Variants in DMD observed in about 807,000 individuals in gnomAD.
The protein encoded by DMD is dystrophin.
A neutral mutation model predicts 330.1 loss-of-function variants in DMD; 63 were observed. The ratio of observed to expected loss-of-function variants is 0.19; its 90% CI spans 0.16 to 0.24. DMD has a LOEUF of 0.24. Ranked by LOEUF, DMD falls within the 10% of genes least tolerant of loss-of-function variation. The probability of loss-of-function intolerance (pLI) is 1.00; values close to 1 mark genes in which losing one functional copy is unlikely to be tolerated. For synonymous variants in DMD, 1,223 were observed against 959.8 expected (o/e 1.27, Z -5.07); for missense variants, 3,344 against 2,684.1 (o/e 1.25, Z -5.43).
chrX:32,621,691 A>T (rs149032471), intron 11 of DMD, among the ~76,000 whole-genome samples: 24 of 110,366 alleles, frequency 2.2e-4, no homozygotes, highest in Non-Finnish European at 4.2e-4. Flanking sequence ...TAGGGACCAG[A>T]ATGGCTGGGT....
intron 8 of DMD, among the ~76,000 whole-genome samples, chrX:32,698,373 G>A (rs1342466746): frequency 1.8e-5 from 2 of 111,497 alleles, no homozygotes; most frequent in East Asian, 5.7e-4. Context: ...CCATACCCTG[G>A]AAAGGACTAA....
intron 7 of DMD, among the ~76,000 whole-genome samples, chrX:32,783,734 G>A (rs770134794): frequency 6.3e-5 from 7 of 110,987 alleles, no homozygotes; most frequent in Non-Finnish European, 1.3e-4. Flanking sequence ...TAGGTTATAT[G>A]CAAATATGAC....
intron 60 of DMD, among the ~76,000 whole-genome samples, chrX:31,418,744 A>G (rs1401186073): frequency 3.6e-5 from 4 of 112,184 alleles, no homozygotes; most frequent in African/African-American, 1.3e-4. Context: ...ATTGAGATGT[A>G]ACTCTTATTT....
At chrX:33,020,913 T>C (rs1266952461) in intron 1 of DMD, among the ~76,000 whole-genome samples, 1 of 110,841 alleles carries the variant, frequency 9.0e-6, no homozygotes, top group African/African-American at 3.3e-5. Context: ...CTTTGCAGCA[T>C]CTACATACTC....
In DMD at chrX:31,751,649, G is replaced by A. The variant is rs146773464; in HGVS notation, c.7543-21901C>T. ...TACAAATTCATATGGCTAAAACGGA[G>A]TGGACCATGACATTGCCCCCAGACC... On this transcript the variant is annotated intron_variant, in intron 51 of 78. Coordinates refer to ENST00000357033, the MANE Select transcript of DMD (RefSeq NM_004006.3). 4.5e-3 allele frequency among the ~76,000 whole-genome samples: 498 copies of A among 111,785 alleles called. 3 individuals carry two copies. The highest frequency in any genetic ancestry group is 0.015 in the African/African-American group (464 of 30,805).
chrX:32,659,057 G>A (rs1463975778), intron 9 of DMD, among the ~76,000 whole-genome samples: 2 of 111,842 alleles, frequency 1.8e-5, no homozygotes, highest in East Asian at 5.6e-4. Context: ...CACTTTCACT[G>A]CCTCATTGTT....
In DMD at chrX:31,147,233, G is replaced by C. The variant is rs72466537; in HGVS notation, c.10797+42C>G. The C allele has an allele frequency of 9.4e-3, 11,383 of 1,207,688 alleles. 39 individuals are homozygous for C. Among genetic ancestry groups the C allele is most frequent in the South Asian group, 0.011 (603 of 56,426 alleles). ...CTCTGAGGTTTAGTTTTGTTTAAGA[G>C]GGAAAAATGAATGTTTGTAAAAATC... On this transcript the variant is annotated intron_variant, in intron 75 of 78. Transcript: ENST00000357033.
At chrX:32,814,177 T>C (rs200348206) in intron 6 of DMD, among the ~76,000 whole-genome samples, 2 of 112,263 alleles carry the variant, frequency 1.8e-5, no homozygotes, top group East Asian at 5.6e-4. Context: ...GGTAATACAC[T>C]AAAATAAGGA....
chrX:32,787,377 T>G (rs1396032150), intron 7 of DMD, among the ~76,000 whole-genome samples: 1 of 110,036 alleles, frequency 9.1e-6, no homozygotes. Flanking sequence ...TACCACCCAG[T>G]ACACCAGCTG....
At chrX:32,661,436 G>C (rs1469023037) in intron 9 of DMD, among the ~76,000 whole-genome samples, 1 of 111,328 alleles carries the variant, frequency 9.0e-6, no homozygotes, top group Admixed American at 9.6e-5. Context: ...CAAGGTCGAA[G>C]AGCTAATAAA....
intron 9 of DMD, among the ~76,000 whole-genome samples, chrX:32,672,480 C>T (rs752472477): frequency 9.0e-6 from 1 of 110,905 alleles, no homozygotes; most frequent in Admixed American, 9.7e-5. Flanking sequence ...AAATAATTTC[C>T]AAACTATATT....
chrX:31,952,449 ATT>A (rs35582598), intron 45 of DMD, among the ~76,000 whole-genome samples: 4,442 of 96,968 alleles, frequency 0.046, 83 homozygotes, highest in Non-Finnish European at 0.058. Context: ...AAATTTACTG[ATT>A]TTTTTTTTTT....
chrX:32,888,028 A>G (rs535050003), intron 2 of DMD, among the ~76,000 whole-genome samples: 2 of 110,398 alleles, frequency 1.8e-5, no homozygotes, highest in South Asian at 3.8e-4. Context: ...CAATACAACA[A>G]CCCAATTAAA....
chrX:31,292,007 T>C (rs2053737089), intron 62 of DMD, among the ~76,000 whole-genome samples: 1 of 111,310 alleles, frequency 9.0e-6, no homozygotes, highest in South Asian at 3.7e-4. Flanking sequence ...TAAAAAATAG[T>C]AAGTTTCTAG....
intron 44 of DMD, among the ~76,000 whole-genome samples, chrX:31,989,259 C>T (rs767189144): frequency 3.6e-4 from 40 of 111,670 alleles, no homozygotes; most frequent in African/African-American, 1.1e-3. Context: ...CCAAATGTCT[C>T]GGTACCCTGC....
At chrX:31,691,818 C>T (rs1413911085) in intron 52 of DMD, among the ~76,000 whole-genome samples, 1 of 111,719 alleles carries the variant, frequency 9.0e-6, no homozygotes, top group Non-Finnish European at 1.9e-5. Flanking sequence ...GGAAACATAG[C>T]CTATAACATA....
At chrX:31,730,020 C>T in intron 51 of DMD, among the ~76,000 whole-genome samples, 1 of 111,817 alleles carries the variant, frequency 8.9e-6, no homozygotes, top group Non-Finnish European at 1.9e-5. Context: ...ATTACTTAAA[C>T]CACTGTCTGA....
intron 34 of DMD, among the ~76,000 whole-genome samples, chrX:32,371,234 A>T (rs2097875894): frequency 8.9e-6 from 1 of 111,787 alleles, no homozygotes; most frequent in Admixed American, 9.5e-5. Flanking sequence ...TCCAAAATAA[A>T]CGTGAAAAAC....
At chrX:32,009,510 T>C (rs1230665730) in intron 44 of DMD, among the ~76,000 whole-genome samples, 4 of 112,400 alleles carry the variant, frequency 3.6e-5, no homozygotes, top group Non-Finnish European at 7.5e-5. Context: ...ACATATTCAA[T>C]GAAAATTACT....
Sources: allele counts gnomAD v4.1 joint callset (sites outside exome capture counted in the v4.1 genomes callset), GRCh38; gene constraint gnomAD v4.1.1; transcripts MANE v1.5; gene names NCBI Gene and HGNC (gene_info 2026-07-23, HGNC 2026-07-21).